The following C19orf38 variants were observed in gnomAD, a reference collection of about 807,000 sequenced individuals.
The protein encoded by C19orf38 is protein HIDE1.
A neutral mutation model predicts 26.6 loss-of-function variants in C19orf38; 14 were observed. The ratio of observed to expected loss-of-function variants is 0.53; its 90% CI spans 0.35 to 0.82. The LOEUF is 0.82. C19orf38 is among the 40% of genes least tolerant of loss of function. The pLI, the probability that C19orf38 is intolerant of heterozygous loss-of-function variation, is 0.01. For synonymous variants in C19orf38, 132 were observed against 128.5 expected, an observed-to-expected ratio of 1.03 and a Z score of -0.18; for missense variants, 261 against 299.5, an observed-to-expected ratio of 0.87 and a Z score of 0.95.
At chr19:10,840,498 GATTTTT>G (rs2073471000) in intron 1 of C19orf38, among the ~76,000 whole-genome samples, 1 of 146,744 alleles carries the variant, frequency 6.8e-6, no homozygotes, top group African/African-American at 2.5e-5. Context: ...AATAAAGACA[GATTTTT>G]GTTTTTGTTT....
At chr19:10,856,237 C>A in intron 2 of C19orf38, 28 bp from the exon 3 acceptor site, 4 of 1,527,062 alleles carry the variant, frequency 2.6e-6, no homozygotes, top group Non-Finnish European at 3.6e-6. Context: ...CACTGACCTG[C>A]CCACTCTCTT....
At chr19:10,858,766 G>A (rs1005412393) in intron 4 of C19orf38, among the ~76,000 whole-genome samples, 9 of 152,028 alleles carry the variant, frequency 5.9e-5, no homozygotes, top group Non-Finnish European at 8.8e-5. Flanking sequence ...TTGCACTGTA[G>A]GTGATGGCCC....
chr19:10,857,795 C>G (rs1198222252), intron 3 of C19orf38, among the ~76,000 whole-genome samples: 1 of 151,344 alleles, frequency 6.6e-6, no homozygotes. Flanking sequence ...GCAGAAGAAT[C>G]GCTTGAACCT....
chr19:10,846,943 T>G (rs144963603), upstream of C19orf38, among the ~76,000 whole-genome samples: 1 of 152,176 alleles, frequency 6.6e-6, no homozygotes, highest in African/African-American at 2.4e-5. Context: ...GTTGACAGAA[T>G]TGTGTTCCAG....
chr19:10,862,035 A>G (rs1437181360), intron 5 of C19orf38, among the ~76,000 whole-genome samples: 5 of 151,822 alleles, frequency 3.3e-5, no homozygotes, highest in African/African-American at 4.8e-5. Flanking sequence ...AGTAGCTGGG[A>G]CTACAGGCGC....
In C19orf38 at chr19:10,869,315, C is replaced by T. The variant is rs537302791; in HGVS notation, c.641C>T (p.Thr214Met). The change falls in exon 7 of 7, where the codon ACG (threonine) becomes ATG (methionine). Residue 214 changes from threonine (T) to methionine (M), a missense_variant. Coordinates refer to ENST00000397820, the MANE Select transcript of C19orf38 (RefSeq NM_001136482.3). ...NSRTRKRPTSTSSSPETPEFS... is the reference protein window; with the variant it reads ...NSRTRKRPTSMSSSPETPEFS... ...AGGACCCGGAAGAGGCCCACTTCCA[C>T]GTCCTCCTCGCCTGAGACCCCCGAA... The T allele has an allele frequency of 1.2e-4, 188 of 1,551,656 alleles. No individual in the cohort carries two copies. Among genetic ancestry groups the T allele is most frequent in the South Asian group, 7.4e-4 (62 of 84,060 alleles).
chr19:10,847,789 A>G (rs571969660), upstream of C19orf38, among the ~76,000 whole-genome samples: 5 of 152,226 alleles, frequency 3.3e-5, no homozygotes, highest in Non-Finnish European at 7.4e-5. Context: ...ACTCCTGCCC[A>G]TATTTGTTTA....
intron 3 of C19orf38, among the ~76,000 whole-genome samples, chr19:10,857,663 G>A (rs997040989): frequency 2.6e-5 from 4 of 151,372 alleles, no homozygotes; most frequent in Non-Finnish European, 5.9e-5. Flanking sequence ...TGGGCAGATC[G>A]CGAGGTCAGG....
upstream of C19orf38, among the ~76,000 whole-genome samples, chr19:10,843,899 G>A (rs982035944): frequency 2.0e-5 from 3 of 152,098 alleles, no homozygotes; most frequent in Non-Finnish European, 4.4e-5. Flanking sequence ...GATCATTCGA[G>A]GTCAGGAGTT....
chr19:10,862,916 C>T (rs1410663051), intron 5 of C19orf38, among the ~76,000 whole-genome samples: 1 of 151,114 alleles, frequency 6.6e-6, no homozygotes, highest in African/African-American at 2.4e-5. Flanking sequence ...TTCTGGAAGG[C>T]CTGAGATAAG....
intron 5 of C19orf38, 137 bp from the exon 6 acceptor site, chr19:10,863,033 G>C: frequency 1.2e-6 from 1 of 852,184 alleles, no homozygotes; most frequent in Admixed American, 2.2e-5. Context: ...GAATGGGTTG[G>C]AAAGGCGCCA....
At chr19:10,857,339 CATATATATATATAT>C (rs1215628613) in intron 3 of C19orf38, among the ~76,000 whole-genome samples, 22 of 54,016 alleles carry the variant, frequency 4.1e-4, no homozygotes, top group Middle Eastern at 0.019. Context: ...CACACACATA[CATATATATATATAT>C]ATATATATAT....
At chr19:10,862,146 C>G (rs140340037) in intron 5 of C19orf38, among the ~76,000 whole-genome samples, 1 of 150,838 alleles carries the variant, frequency 6.6e-6, no homozygotes, top group African/African-American at 2.4e-5. Flanking sequence ...GTGATCTGCC[C>G]GCCTCAGCCT....
At chr19:10,857,366 A>ATATAT (rs1433358051) in intron 3 of C19orf38, among the ~76,000 whole-genome samples, 17 of 56,080 alleles carry the variant, frequency 3.0e-4, no homozygotes, top group East Asian at 1.6e-3. Context: ...ATATATATAT[A>ATATAT]TTTTTTTTTT....
intron 6 of C19orf38, 43 bp from the exon 7 acceptor site, chr19:10,869,175 C>G: frequency 6.5e-7 from 1 of 1,550,226 alleles, no homozygotes; most frequent in Middle Eastern, 1.7e-4. Context: ...GATCCTGAAA[C>G]CCCAAATCAC....
At chr19:10,865,464 CT>C (rs948579967) in intron 6 of C19orf38, among the ~76,000 whole-genome samples, 26 of 149,220 alleles carry the variant, frequency 1.7e-4, no homozygotes, top group African/African-American at 5.4e-4. Flanking sequence ...TGTTTTTTTA[CT>C]TTTTTTTTCT....
intron 5 of C19orf38, among the ~76,000 whole-genome samples, chr19:10,861,468 A>G (rs1461448980): frequency 2.0e-5 from 3 of 152,248 alleles, no homozygotes; most frequent in Non-Finnish European, 4.4e-5. Context: ...TCCTTTCGTA[A>G]CCAAGACAGA....
chr19:10,843,464 C>T (rs576213174), upstream of C19orf38, among the ~76,000 whole-genome samples: 115 of 152,258 alleles, frequency 7.6e-4, no homozygotes, highest in Middle Eastern at 3.2e-3. Context: ...GCCACTGCCT[C>T]TGTTACTGCA....
At chr19:10,842,190 C>G in intron 1 of C19orf38, 1 of 1,547,962 alleles carries the variant, frequency 6.5e-7, no homozygotes, top group African/African-American at 1.4e-5. Context: ...AAATGTGGTT[C>G]TGAAATGGTA....
Sources: gnomAD v4.1 joint callset for allele counts (sites outside exome capture counted in the v4.1 genomes callset) on GRCh38, gnomAD v4.1.1 for gene constraint, MANE v1.5 for transcripts, NCBI Gene and HGNC (gene_info 2026-07-23, HGNC 2026-07-21) for gene names.